The following KCNC1 variants were observed in gnomAD, a reference collection of about 807,000 sequenced individuals.
KCNC1 encodes the protein potassium voltage-gated channel subfamily C member 1.
In KCNC1, 8 loss-of-function variants were observed where a neutral mutation model predicts 43.4. The ratio of observed to expected loss-of-function variants is 0.18; its 90% CI spans 0.11 to 0.33. KCNC1 has a LOEUF of 0.33. KCNC1 is among the 10% of genes least tolerant of loss of function. The probability of loss-of-function intolerance (pLI) is 1.00; values close to 1 mark genes in which losing one functional copy is unlikely to be tolerated. For synonymous variants in KCNC1, 361 were observed against 360.5 expected (o/e 1.00, Z -0.01); for missense variants, 420 against 836.0 (o/e 0.50, Z 6.14).
Position 17,736,720 on chromosome 11 carries a change from G to T in KCNC1, c.570+148G>T. The stretch of plus-strand genomic sequence containing the variant: ...CGCATGTGTGCACGTACCAGGGTAA[G>T]AGAGGAAGGGTGTCCGCCGGGGTTC... On this transcript the variant is annotated intron_variant, in intron 1 of 3. Transcript: ENST00000265969. This position sits in a 1 kb window ranked among gnomAD's most constrained non-coding sequence, Gnocchi z 9.3. 1.5e-6 allele frequency: 2 copies of T among 1,355,826 alleles called. No homozygotes were observed. Among genetic ancestry groups the T allele is most frequent in the South Asian group, 3.2e-5 (2 of 62,604 alleles). The allele number at this position is 1,355,826 out of a possible 1,614,324, so 84.0% of individuals were successfully genotyped here. A position where few individuals can be genotyped will look rare whatever the true frequency, so the allele number is the denominator to read the frequency against.
intron 1 of KCNC1, among the ~76,000 whole-genome samples, chr11:17,767,809 T>C (rs1849170938): frequency 1.3e-5 from 2 of 152,200 alleles, no homozygotes; most frequent in African/African-American, 4.8e-5. Context: ...CTGGGGAAGG[T>C]GTCTTTGCAC....
intron 1 of KCNC1, among the ~76,000 whole-genome samples, chr11:17,769,831 CCAACAGGA>C (rs1849202269): frequency 6.6e-6 from 1 of 152,182 alleles, no homozygotes; most frequent in African/African-American, 2.4e-5. Context: ...TGCTCTGGAA[CCAACAGGA>C]CTAGTAGTGT....
intron 1 of KCNC1, among the ~76,000 whole-genome samples, chr11:17,758,716 A>G (rs1849046138): frequency 6.6e-6 from 1 of 152,224 alleles, no homozygotes; most frequent in Non-Finnish European, 1.5e-5. Flanking sequence ...ATATTTTGAA[A>G]GGAATCATTT....
intron 1 of KCNC1, among the ~76,000 whole-genome samples, chr11:17,748,130 A>C (rs1433185592): frequency 6.6e-6 from 1 of 152,232 alleles, no homozygotes; most frequent in Non-Finnish European, 1.5e-5. Context: ...GCTGGGCAAG[A>C]TATGACAGAG....
At position 17,773,810 on chromosome 11, in the gene KCNC1, CTGAG is replaced by C. The variant is rs1005292809; in HGVS notation, c.1504+1214_1504+1217del. Reference sequence around the variant, plus strand: ...GATGACCCAGAGAAGAATGACAGCACTGAGTAAGAAGGAGTGCCAGGTGAGCAGG... The same window carrying C: ...GATGACCCAGAGAAGAATGACAGCACTAAGAAGGAGTGCCAGGTGAGCAGG... On this transcript the variant is annotated intron_variant, in intron 2 of 3. Coordinates refer to ENST00000265969, the MANE Select transcript of KCNC1 (RefSeq NM_001112741.2). The surrounding 1 kb of genome is among the most constrained non-coding windows in gnomAD (Gnocchi z 4.1). 4 of 985,420 alleles carry C rather than the reference CTGAG, an allele frequency of 4.1e-6. No individual in the cohort carries two copies. The Admixed American group carries it at 2.5e-4, about 61-fold the overall frequency. 61.0% of individuals were successfully genotyped at this position (985,420 alleles called of 1,614,324 possible).
Position 17,779,462 on chromosome 11 carries a change from A to G in KCNC1, c.1511A>G (p.Lys504Arg). 2 of 1,544,668 alleles carry G rather than the reference A, an allele frequency of 1.3e-6. No homozygotes were observed. The highest frequency in any genetic ancestry group is 8.7e-7 in the Non-Finnish European group (1 of 1,144,222). Residue 504 changes from lysine (K) to arginine (R), a missense_variant, in exon 3 of 4, where the codon AAA becomes AGA. By Grantham distance (26) the Lys-to-Arg change is conservative. This residue lies in a region of KCNC1 where 147 missense variants were observed against 176.1 expected (regional missense o/e 0.83). Transcript: ENST00000265969. The surrounding 1 kb of genome is among the most constrained non-coding windows in gnomAD (Gnocchi z 7.2). The stretch of plus-strand genomic sequence containing the variant: ...TCTGCTTATATGTTTGAAGATTCCA[A>G]ACTGAATGGGGAGGTGGCGAAGGCC... ...EILEINRADSKLNGEVAKAAL... is the reference protein window; with the variant it reads ...EILEINRADSRLNGEVAKAAL...
At position 17,772,111 on chromosome 11, in the gene KCNC1, A is replaced by C. The variant is rs137989254; in HGVS notation, c.1017A>C (p.Arg339=). Residue 339 remains arginine, a synonymous_variant, in exon 2 of 4, where the codon CGA becomes CGC. Coordinates refer to ENST00000265969, the MANE Select transcript of KCNC1 (RefSeq NM_001112741.2). ...VGLRVLGHTL[R]ASTNEFLLLI... is the part of the protein sequence containing the mutation. ...TGCGGGTCCTGGGCCACACGCTCCG[A>C]GCCAGCACCAACGAGTTCCTGCTGC... The C allele has an allele frequency of 4.0e-4, 645 of 1,613,930 alleles. 2 individuals are homozygous for C. The African/African-American group carries it at 7.8e-3, about 20-fold the overall frequency.
In KCNC1 at chr11:17,734,781, G is replaced by T; in HGVS notation, c.-1222G>T. Reference sequence around the variant, plus strand: ...TCCGGAGAGCGGCGGGCTGGACGCGGACCGCGCGAACGAGCAGGCGACGGG... The same window carrying T: ...TCCGGAGAGCGGCGGGCTGGACGCGTACCGCGCGAACGAGCAGGCGACGGG... On this transcript the variant is annotated 5_prime_UTR_variant, in exon 1 of 4. Coordinates refer to ENST00000265969, the MANE Select transcript of KCNC1 (RefSeq NM_001112741.2). 1 of 151,988 alleles carries T rather than the reference G, an allele frequency of 6.6e-6. No individual in the cohort carries two copies. Among genetic ancestry groups the T allele is most frequent in the South Asian group, 2.0e-4 (1 of 5,108 alleles). The allele number at this position is 151,988 out of a possible 1,614,324, so 9.4% of individuals were successfully genotyped here.
intron 1 of KCNC1, among the ~76,000 whole-genome samples, chr11:17,760,969 G>T (rs1849071067): frequency 6.6e-6 from 1 of 152,222 alleles, no homozygotes; most frequent in African/African-American, 2.4e-5. Context: ...AGGCGGGAAA[G>T]TCGGCAGCTC....
chr11:17,747,245 G>T (rs1848910838), intron 1 of KCNC1, among the ~76,000 whole-genome samples: 1 of 152,152 alleles, frequency 6.6e-6, no homozygotes, highest in African/African-American at 2.4e-5. Context: ...GTCCTGGGCA[G>T]GTCACAACCC....
intron 1 of KCNC1, among the ~76,000 whole-genome samples, chr11:17,757,905 G>A (rs1048044793): frequency 6.6e-6 from 1 of 152,210 alleles, no homozygotes; most frequent in Non-Finnish European, 1.5e-5. Context: ...ATTGATCAGC[G>A]TGGTGATTGC....
Position 17,736,011 on chromosome 11 carries a change from A to G in KCNC1, c.9A>G (p.Gln3=). Reference sequence around the variant, plus strand: ...CCTAAGGGGGCGCCGCGATGGGCCAAGGGGACGAGAGCGAGCGCATCGTGA... The same window carrying G: ...CCTAAGGGGGCGCCGCGATGGGCCAGGGGGACGAGAGCGAGCGCATCGTGA... MG[Q]GDESERIVIN... is the part of the protein sequence containing the mutation. Residue 3 remains glutamine (Q), a synonymous_variant, in exon 1 of 4, where the codon CAA becomes CAG. Transcript: ENST00000265969. The surrounding 1 kb of genome is among the most constrained non-coding windows in gnomAD (Gnocchi z 9.3). The G allele has an allele frequency of 6.7e-7, 1 of 1,492,620 alleles. No homozygotes were observed. The highest frequency in any genetic ancestry group is 8.9e-7 in the Non-Finnish European group (1 of 1,123,380). The allele number at this position is 1,492,620 out of a possible 1,614,324, so 92.5% of individuals were successfully genotyped here.
intron 1 of KCNC1, among the ~76,000 whole-genome samples, chr11:17,760,250 A>G (rs759194966): frequency 1.3e-5 from 2 of 152,236 alleles, no homozygotes; most frequent in Non-Finnish European, 2.9e-5. Flanking sequence ...CAGTCAGAGC[A>G]AAAGAGAAAA....
Position 17,781,454 on chromosome 11 carries a change from A to G in KCNC1, c.1694-216A>G. The G allele has an allele frequency of 5.5e-6, 3 of 549,432 alleles. No individual in the cohort carries two copies. The South Asian group carries it at 7.7e-5, about 14-fold the overall frequency. 34.0% of individuals were successfully genotyped at this position (549,432 alleles called of 1,614,324 possible). A position where few individuals can be genotyped will look rare whatever the true frequency, so the allele number is the denominator to read the frequency against. ...AGGTGTGTGAGTCAATGTGCAGAGC[A>G]GAAGTAGGGACTCATCCCATTCCCC... On this transcript the variant is annotated intron_variant, in intron 3 of 3. Transcript: ENST00000265969. The surrounding 1 kb of genome is among the most constrained non-coding windows in gnomAD (Gnocchi z 5.1).
chr11:17,771,569 A>G lies in KCNC1; in HGVS notation c.571-96A>G, dbSNP rs1429059634. ...GTGCTGCAGGGGGCCTGGTGCTGGC[A>G]TCTCCCCCCGCCTGGCCCTGGGACT... On this transcript the variant is annotated intron_variant, in intron 1 of 3. Coordinates refer to ENST00000265969, the MANE Select transcript of KCNC1 (RefSeq NM_001112741.2). This position sits in a 1 kb window ranked among gnomAD's most constrained non-coding sequence, Gnocchi z 4.7. The G allele has an allele frequency of 2.8e-6, 3 of 1,074,080 alleles. No homozygotes were observed. The highest frequency in any genetic ancestry group is 4.1e-6 in the Non-Finnish European group (3 of 735,912). The allele number at this position is 1,074,080 out of a possible 1,614,324, so 66.5% of individuals were successfully genotyped here.
rs770445113 is a variant in KCNC1 at position 17,736,396 on chromosome 11, G to A, written c.394G>A (p.Asp132Asn). The change falls in exon 1 of 4, where the codon GAC becomes AAC. Residue 132 changes from aspartate to asparagine, a missense_variant. Asp to Asn is a conservative substitution (Grantham distance 23). Around this residue, in one of 5 missense-constraint regions of KCNC1, gnomAD observed 151 missense variants for 216.7 expected, o/e 0.70. Coordinates refer to ENST00000265969, the MANE Select transcript of KCNC1 (RefSeq NM_001112741.2). This position sits in a 1 kb window ranked among gnomAD's most constrained non-coding sequence, Gnocchi z 9.3. ...FGGAPLDNSA[D>N]DADADGPGDS... Reference sequence around the variant, plus strand: ...CGGCGCTCCTCTGGACAACAGCGCCGACGACGCGGACGCCGACGGCCCTGG... The same window carrying A: ...CGGCGCTCCTCTGGACAACAGCGCCAACGACGCGGACGCCGACGGCCCTGG... 7 of 1,609,572 alleles carry A rather than the reference G, an allele frequency of 4.3e-6. No individual in the cohort carries two copies. Among genetic ancestry groups the A allele is most frequent in the Non-Finnish European group, 5.9e-6 (7 of 1,178,606 alleles).
At chr11:17,762,755 C>G (rs1288163126) in intron 1 of KCNC1, among the ~76,000 whole-genome samples, 1 of 152,188 alleles carries the variant, frequency 6.6e-6, no homozygotes, top group East Asian at 1.9e-4. Context: ...CGTGGTTCCC[C>G]TCTCTGGTCC....
In KCNC1 at chr11:17,735,455, TCA is replaced by T; in HGVS notation, c.-545_-544del. The T allele has an allele frequency of 6.6e-6, 1 of 151,774 alleles. No homozygotes were observed. The highest frequency in any genetic ancestry group is 3.4e-3 in the Middle Eastern group (1 of 296). The allele number at this position is 151,774 out of a possible 1,614,324, so 9.4% of individuals were successfully genotyped here. A position where few individuals can be genotyped will look rare whatever the true frequency, so the allele number is the denominator to read the frequency against. ...CCGAGAGCGCGCCGCGGCGACCACC[TCA>T]CAGAGGAGCGCGAATTTCCCGGCCC... is the stretch of plus-strand genomic sequence containing the variant. On this transcript the variant is annotated 5_prime_UTR_variant, in exon 1 of 4. Transcript: ENST00000265969. The surrounding 1 kb of genome is among the most constrained non-coding windows in gnomAD (Gnocchi z 6.7).
At chr11:17,745,067 C>T (rs1848882141) in intron 1 of KCNC1, among the ~76,000 whole-genome samples, 1 of 152,094 alleles carries the variant, frequency 6.6e-6, no homozygotes, top group Non-Finnish European at 1.5e-5. Flanking sequence ...GGCCTCACCC[C>T]AGCCCTGAAA....
Sources: allele counts gnomAD v4.1 joint callset (sites outside exome capture counted in the v4.1 genomes callset), GRCh38; gene constraint gnomAD v4.1.1; regional missense constraint gnomAD v4.1.1; non-coding constraint Gnocchi (gnomAD v3.1); transcripts MANE v1.5; gene names NCBI Gene and HGNC (gene_info 2026-07-23, HGNC 2026-07-21).